Variants in NAV3 observed in about 807,000 individuals in gnomAD.
NAV3 encodes the protein pore membrane and/or filament interacting like protein 1.
In NAV3, 87 loss-of-function variants were observed where a neutral mutation model predicts 244.7. That is an observed-to-expected ratio of 0.36 (90% CI 0.30 to 0.42). The LOEUF (loss-of-function observed/expected upper bound fraction) is 0.42, where lower values mean the gene tolerates loss of function less well. Ranked by LOEUF, NAV3 falls within the 20% of genes least tolerant of loss-of-function variation. NAV3 has a pLI of 1.00. For synonymous variants in NAV3, 1,126 were observed against 1,042.2 expected (o/e 1.08, Z -1.55); for missense variants, 2,663 against 2,893.3 (o/e 0.92, Z 1.83).
chr12:78,139,812 A>G (rs1385965330), intron 19 of NAV3, among the ~76,000 whole-genome samples: 1 of 152,210 alleles, frequency 6.6e-6, no homozygotes, highest in African/African-American at 2.4e-5. Flanking sequence ...ATCACAGATA[A>G]TGTTGTAATA....
intron 9 of NAV3, among the ~76,000 whole-genome samples, chr12:78,024,716 A>G (rs530069231): frequency 2.6e-5 from 4 of 152,228 alleles, no homozygotes; most frequent in South Asian, 2.1e-4. Context: ...GGTGTCTCAC[A>G]CCTGTAATCC....
intron 9 of NAV3, among the ~76,000 whole-genome samples, chr12:78,023,980 C>T (rs1288187823): frequency 6.6e-6 from 1 of 152,110 alleles, no homozygotes; most frequent in East Asian, 1.9e-4. Flanking sequence ...TCAGAAACTA[C>T]TACTTCTCTA....
chr12:77,965,547 A>T (rs867856771), intron 3 of NAV3, among the ~76,000 whole-genome samples: 1 of 152,164 alleles, frequency 6.6e-6, no homozygotes, highest in Admixed American at 6.5e-5. Flanking sequence ...TGAACCCGAG[A>T]GAGGGAGGTT....
rs114579189 is a variant in NAV3 at position 78,054,029 on chromosome 12, G to A, written c.2516+2882G>A. On this transcript the variant is annotated intron_variant, in intron 11 of 39. Coordinates refer to ENST00000397909, the MANE Select transcript of NAV3 (RefSeq NM_001024383.2). The stretch of plus-strand genomic sequence containing the variant: ...TAAGAAATCAAGGGACATCTACAGT[G>A]CAATATGTTGGGAATTTCAAAAGGC... 4.0e-3 allele frequency among the ~76,000 whole-genome samples: 603 copies of A among 152,230 alleles called. 6 individuals carry two copies. Among genetic ancestry groups the A allele is most frequent in the African/African-American group, 0.014 (584 of 41,530 alleles).
At chr12:78,141,814 T>G (rs190090836) in intron 20 of NAV3, among the ~76,000 whole-genome samples, 1 of 152,280 alleles carries the variant, frequency 6.6e-6, no homozygotes, top group African/African-American at 2.4e-5. Context: ...TTCCTCCTGT[T>G]GGGCCAGCAC....
At chr12:77,870,732 C>A (rs770150) in intron 1 of NAV3, among the ~76,000 whole-genome samples, 1 of 152,038 alleles carries the variant, frequency 6.6e-6, no homozygotes, top group South Asian at 2.1e-4. Flanking sequence ...AGTGGGAAAT[C>A]TGACTAGAAG....
chr12:77,644,227 C>T (rs1000505914), intron 2 of NAV3, among the ~76,000 whole-genome samples: 2 of 151,966 alleles, frequency 1.3e-5, no homozygotes, highest in African/African-American at 2.4e-5. Context: ...GTCTGTGGAA[C>T]CTTTTCTGTT....
chr12:77,623,903 A>G (rs2136885149), intron 2 of NAV3, among the ~76,000 whole-genome samples: 1 of 152,314 alleles, frequency 6.6e-6, no homozygotes, highest in East Asian at 1.9e-4. Context: ...ATTTCTTACC[A>G]CACTAGTAAA....
chr12:77,831,750 ATTTCTC>A (rs1873742050), intron 1 of NAV3, 46 bp downstream of exon 1: 1 of 1,540,606 alleles, frequency 6.5e-7, no homozygotes, highest in Non-Finnish European at 8.7e-7. Context: ...TAAAATGCAC[ATTTCTC>A]TTTAAGTGCA....
At chr12:78,110,595 A>G (rs1159063525) in intron 12 of NAV3, among the ~76,000 whole-genome samples, 1 of 152,026 alleles carries the variant, frequency 6.6e-6, no homozygotes, top group African/African-American at 2.4e-5. Flanking sequence ...TAAAAAAAGA[A>G]CAAAGCTGGA....
At chr12:77,886,758 A>G (rs1883339469) in intron 1 of NAV3, among the ~76,000 whole-genome samples, 1 of 152,120 alleles carries the variant, frequency 6.6e-6, no homozygotes, top group Admixed American at 6.6e-5. Flanking sequence ...TTACATAAAT[A>G]TCTAGAACAG....
At chr12:78,012,452 A>G (rs908361680) in intron 8 of NAV3, among the ~76,000 whole-genome samples, 4 of 151,984 alleles carry the variant, frequency 2.6e-5, no homozygotes, top group African/African-American at 9.7e-5. Context: ...ATAAAACTCA[A>G]ACATTGCACC....
chr12:77,980,990 C>G (rs1869458590), intron 5 of NAV3, among the ~76,000 whole-genome samples: 1 of 152,100 alleles, frequency 6.6e-6, no homozygotes, highest in Non-Finnish European at 1.5e-5. Flanking sequence ...TAAGATAAGA[C>G]AGAGGTTATA....
chr12:77,702,843 C>CTGTATTTCATATAGT lies in NAV3; in HGVS notation c.72+130577_72+130578insTGTATTTCATATAGT, dbSNP rs1875623244. 5.6e-4 allele frequency among the ~76,000 whole-genome samples: 11 copies of CTGTATTTCATATAGT among 19,762 alleles called. No individual in the cohort carries two copies. In the Admixed American group the frequency reaches 0.011, roughly 19 times the overall value. 13.0% of individuals were successfully genotyped at this position (19,762 alleles called of 152,430 possible). ...AAAAATAGATAGTATTTTGTATTTG[C>CTGTATTTCATATAGT]CTCTATATGAAATATTTTCATTTCT... On this transcript the variant is annotated intron_variant, in intron 2 of 8. Coordinates refer to the NAV3 transcript ENST00000550042.
rs921181426 is a variant in NAV3, at chr12:78,212,505, G to A, written c.*1988G>A. On this transcript the variant is annotated 3_prime_UTR_variant, in exon 40 of 40. Transcript: ENST00000397909. ...GAACTGAATTTATGCACATAGAATT[G>A]TCACCCTGACTTTGAAGCCTCAAAC... 2 of 152,628 alleles carry A rather than the reference G, an allele frequency of 1.3e-5. No individual in the cohort carries two copies. The highest frequency in any genetic ancestry group is 4.8e-5 in the African/African-American group (2 of 41,452). The allele number at this position is 152,628 out of a possible 1,614,324, so 9.5% of individuals were successfully genotyped here. A position where few individuals can be genotyped will look rare whatever the true frequency, so the allele number is the denominator to read the frequency against.
chr12:77,676,459 A>C (rs1028407967), intron 2 of NAV3, among the ~76,000 whole-genome samples: 8 of 149,602 alleles, frequency 5.3e-5, no homozygotes, highest in African/African-American at 2.0e-4. Flanking sequence ...TTTATCTTTT[A>C]TTTTCCTTCC....
At chr12:78,110,714 AC>A (rs1430519781) in intron 12 of NAV3, among the ~76,000 whole-genome samples, 1 of 151,966 alleles carries the variant, frequency 6.6e-6, no homozygotes, top group African/African-American at 2.4e-5. Flanking sequence ...GTGTATACAC[AC>A]ATACATGTAT....
intron 2 of NAV3, among the ~76,000 whole-genome samples, chr12:77,629,701 A>G (rs939996239): frequency 1.3e-5 from 2 of 152,188 alleles, no homozygotes; most frequent in Admixed American, 6.5e-5. Flanking sequence ...TACTCTCATG[A>G]TGTACTATAT....
intron 2 of NAV3, among the ~76,000 whole-genome samples, chr12:77,648,451 A>C (rs932688602): frequency 6.6e-6 from 1 of 152,122 alleles, no homozygotes; most frequent in African/African-American, 2.4e-5. Context: ...CAGTATTTAT[A>C]TCTCTCAAAT....
Sources: gnomAD v4.1 joint callset for allele counts (sites outside exome capture counted in the v4.1 genomes callset) on GRCh38, gnomAD v4.1.1 for gene constraint, MANE v1.5 for transcripts, NCBI Gene and HGNC (gene_info 2026-07-23, HGNC 2026-07-21) for gene names.